Variants in LIN52 observed in about 807,000 individuals in gnomAD.
LIN52 encodes the protein lin-52 DREAM MuvB core complex component.
A neutral mutation model predicts 18.5 loss-of-function variants in LIN52; 4 were observed. The ratio of observed to expected loss-of-function variants is 0.22; its 90% CI spans 0.11 to 0.49. The LOEUF (loss-of-function observed/expected upper bound fraction) is 0.49, where lower values mean the gene tolerates loss of function less well. Among genes scored for constraint, LIN52 ranks in the 20% least tolerant of loss-of-function variants. The pLI is 0.97. For missense variants in LIN52, 102 were observed against 139.5 expected (o/e 0.73, Z 1.35); for synonymous variants, 34 against 45.5 (o/e 0.75, Z 1.02).
Position 74,097,777 on chromosome 14 carries a change from A to G in LIN52, c.133-17A>G, listed in dbSNP as rs1198525124. 7.0e-6 allele frequency: 11 copies of G among 1,564,590 alleles called. No individual in the cohort carries two copies. Among genetic ancestry groups the G allele is most frequent in the African/African-American group, 1.4e-5 (1 of 73,966 alleles). ...ACACTTTTTATGTGTCTGAATGGATATATTATTTTTTGACAGCCTATTACT... is the reference window on the plus strand; with the variant it reads ...ACACTTTTTATGTGTCTGAATGGATGTATTATTTTTTGACAGCCTATTACT... On this transcript the variant is annotated splice_polypyrimidine_tract_variant and intron_variant, in intron 3 of 5. Transcript: ENST00000555028.
intron 5 of LIN52, among the ~76,000 whole-genome samples, chr14:74,165,123 TTAA>T (rs1413875946): frequency 1.3e-5 from 2 of 152,230 alleles, no homozygotes; most frequent in African/African-American, 4.8e-5. Context: ...GTAATCATAG[TTAA>T]TAATATGCCT....
rs796604680 is a variant in LIN52 at position 74,175,711 on chromosome 14, T to C, written c.284-23211T>C. ...GATCCCATCTCTTAACACAGACACATACACACACACACACACACACACACA... is the reference window on the plus strand; with the variant it reads ...GATCCCATCTCTTAACACAGACACACACACACACACACACACACACACACA... On this transcript the variant is annotated intron_variant, in intron 5 of 5. Transcript: ENST00000555028. Among the ~76,000 whole-genome samples the C allele has an allele frequency of 9.2e-4, 79 of 86,336 alleles. No individual in the cohort carries two copies. In the Middle Eastern group the frequency reaches 0.018, roughly 19 times the overall value. 56.6% of individuals were successfully genotyped at this position (86,336 alleles called of 152,430 possible). A position where few individuals can be genotyped will look rare whatever the true frequency, so the allele number is the denominator to read the frequency against.
chr14:74,090,018 C>CTTT (rs34660535), intron 1 of LIN52, among the ~76,000 whole-genome samples: 2,065 of 125,796 alleles, frequency 0.016, 63 homozygotes, highest in African/African-American at 0.045. Context: ...ACAGTGCACT[C>CTTT]TTTTTTTTTT....
chr14:74,140,209 A>G (rs2061121867), intron 5 of LIN52, among the ~76,000 whole-genome samples: 1 of 152,182 alleles, frequency 6.6e-6, no homozygotes, highest in Admixed American at 6.5e-5. Context: ...TTAGTATTTA[A>G]AGGCGACTCC....
At chr14:74,102,797 GC>G (rs1429209851) in intron 5 of LIN52, among the ~76,000 whole-genome samples, 16 of 152,168 alleles carry the variant, frequency 1.1e-4, no homozygotes, top group African/African-American at 3.4e-4. Flanking sequence ...TATAGTTATA[GC>G]TGAAATTATG....
intron 5 of LIN52, among the ~76,000 whole-genome samples, chr14:74,146,284 TC>T (rs1250298477): frequency 6.6e-6 from 1 of 152,240 alleles, no homozygotes; most frequent in Non-Finnish European, 1.5e-5. Flanking sequence ...ATGGAACTAT[TC>T]ATGTCATATA....
chr14:74,195,543 GGTGTGTGTGTGTATGTGTGTGTGT>G (rs1466343480), intron 5 of LIN52, among the ~76,000 whole-genome samples: 1 of 102,000 alleles, frequency 9.8e-6, no homozygotes, highest in East Asian at 2.6e-4. Flanking sequence ...GGTGTGTGTG[GGTGTGTGTGTGTATGTGTGTGTGT>G]GTGTGTGTGC....
chr14:74,199,137 A>G lies in LIN52; in HGVS notation c.*160A>G. On this transcript the variant is annotated 3_prime_UTR_variant, in exon 6 of 6. Coordinates refer to ENST00000555028, the MANE Select transcript of LIN52 (RefSeq NM_001024674.3). ...CCTGGCACTCTACACGTCTGAGGACATTCAGCAGCAAGAGAAGAATCTGCT... is the reference window on the plus strand; with the variant it reads ...CCTGGCACTCTACACGTCTGAGGACGTTCAGCAGCAAGAGAAGAATCTGCT... The G allele has an allele frequency of 1.8e-6, 1 of 548,104 alleles. No homozygotes were observed. The highest frequency in any genetic ancestry group is 3.2e-6 in the Non-Finnish European group (1 of 308,820). The allele number at this position is 548,104 out of a possible 1,614,324, so 34.0% of individuals were successfully genotyped here. A position where few individuals can be genotyped will look rare whatever the true frequency, so the allele number is the denominator to read the frequency against.
At chr14:74,192,745 A>G in intron 5 of LIN52, 1 of 264,736 alleles carries the variant, frequency 3.8e-6, no homozygotes, top group Non-Finnish European at 7.4e-6. Context: ...TGGGCAGCCA[A>G]TTAATGAGAC....
intron 2 of LIN52, among the ~76,000 whole-genome samples, chr14:74,092,990 C>T (rs1055250341): frequency 9.2e-5 from 14 of 151,880 alleles, no homozygotes; most frequent in Admixed American, 4.6e-4. Context: ...TTGCTCATGT[C>T]GCTCAGGCTG....
intron 5 of LIN52, among the ~76,000 whole-genome samples, chr14:74,103,170 T>G (rs184927303): frequency 3.3e-5 from 5 of 151,996 alleles, no homozygotes; most frequent in Non-Finnish European, 7.4e-5. Flanking sequence ...CCTCCATCTC[T>G]TGGGTTCAAG....
chr14:74,147,281 A>C (rs1278360731), intron 5 of LIN52, among the ~76,000 whole-genome samples: 1 of 152,142 alleles, frequency 6.6e-6, no homozygotes, highest in Admixed American at 6.6e-5. Flanking sequence ...TATCCACATA[A>C]AAAATAAAAT....
At position 74,130,295 on chromosome 14, in the gene LIN52, T is replaced by TTTTTTTTTTTTTTTTTTTTC. The variant is rs1315000657; in HGVS notation, c.283+29058_283+29059insTTTTTTTTTTTTTTTTTTCT. On this transcript the variant is annotated intron_variant, in intron 5 of 5. Coordinates refer to ENST00000555028, the MANE Select transcript of LIN52 (RefSeq NM_001024674.3). Reference sequence around the variant, plus strand: ...ATTTTTTGGTTTTTTTTTTTTTTTTTTGAGACAGTCTCGCTCTTTTGCCAA... The same window carrying TTTTTTTTTTTTTTTTTTTTC: ...ATTTTTTGGTTTTTTTTTTTTTTTTTTTTTTTTTTTTTTTTTTTTCTGAGACAGTCTCGCTCTTTTGCCAA... Among the ~76,000 whole-genome samples, 393 of 140,300 alleles carry TTTTTTTTTTTTTTTTTTTTC rather than the reference T, an allele frequency of 2.8e-3. 28 individuals are homozygous for TTTTTTTTTTTTTTTTTTTTC. The highest frequency in any genetic ancestry group is 4.6e-3 in the Non-Finnish European group (295 of 64,246). The allele number at this position is 140,300 out of a possible 152,430, so 92.0% of individuals were successfully genotyped here.
intron 5 of LIN52, among the ~76,000 whole-genome samples, chr14:74,139,878 T>C (rs537480672): frequency 3.9e-5 from 6 of 152,318 alleles, no homozygotes; most frequent in African/African-American, 1.2e-4. Flanking sequence ...GAATGGATGA[T>C]TGAATTATTT....
At chr14:74,162,480 A>C (rs1441723779) in intron 5 of LIN52, among the ~76,000 whole-genome samples, 1,913 of 150,738 alleles carry the variant, frequency 0.013, 37 homozygotes, top group African/African-American at 0.044. Flanking sequence ...TCTCACAAAA[A>C]AAAAAAAAAA....
intron 5 of LIN52, among the ~76,000 whole-genome samples, chr14:74,161,203 T>C (rs1303329934): frequency 6.6e-6 from 1 of 152,170 alleles, no homozygotes; most frequent in Non-Finnish European, 1.5e-5. Context: ...ATTTATTTAT[T>C]TATGACAGAG....
intron 5 of LIN52, among the ~76,000 whole-genome samples, chr14:74,120,876 A>G (rs2060995711): frequency 6.6e-6 from 1 of 152,046 alleles, no homozygotes; most frequent in Non-Finnish European, 1.5e-5. Context: ...GAGCCACTGC[A>G]TTCCAGCCTG....
intron 5 of LIN52, among the ~76,000 whole-genome samples, chr14:74,173,223 T>C (rs1207408847): frequency 1.3e-5 from 2 of 152,206 alleles, no homozygotes; most frequent in Non-Finnish European, 2.9e-5. Context: ...GTTTCGCTCT[T>C]GTTGCCCAGG....
intron 5 of LIN52, among the ~76,000 whole-genome samples, chr14:74,134,305 A>G (rs1285196216): frequency 1.3e-5 from 2 of 152,146 alleles, no homozygotes; most frequent in Admixed American, 6.6e-5. Flanking sequence ...CTCTCTTGGG[A>G]AAGGAACAGG....
Sources: allele counts gnomAD v4.1 joint callset (sites outside exome capture counted in the v4.1 genomes callset), GRCh38; gene constraint gnomAD v4.1.1; transcripts MANE v1.5; gene names NCBI Gene and HGNC (gene_info 2026-07-23, HGNC 2026-07-21).